The following RBM26 variants were observed in gnomAD, a reference collection of about 807,000 sequenced individuals.
The protein encoded by RBM26 is RNA-binding protein 26.
In RBM26, 30 loss-of-function variants were observed where a neutral mutation model predicts 123.6. The observed-to-expected ratio is 0.24, with a 90% CI of 0.18 to 0.33. RBM26 has a LOEUF of 0.33. Among genes scored for constraint, RBM26 ranks in the 10% least tolerant of loss-of-function variants. The pLI is 1.00. For missense variants in RBM26, 947 were observed against 1,203.6 expected (o/e 0.79, Z 3.15); for synonymous variants, 400 against 404.4 (o/e 0.99, Z 0.13).
intron 19 of RBM26, 49 bp from the exon 20 acceptor site, chr13:79,334,479 T>C: frequency 9.7e-7 from 1 of 1,026,538 alleles, no homozygotes; most frequent in Non-Finnish European, 1.4e-6. Context: ...TTTTGAAATA[T>C]CCAAAAATCC....
chr13:79,346,472 T>C (rs1278109232), intron 14 of RBM26, among the ~76,000 whole-genome samples: 1 of 152,078 alleles, frequency 6.6e-6, no homozygotes, highest in Non-Finnish European at 1.5e-5. Flanking sequence ...TTCCACCTCA[T>C]GGGCTCAAGT....
At chr13:79,390,697 G>C (rs999077480) in intron 1 of RBM26, among the ~76,000 whole-genome samples, 7 of 152,176 alleles carry the variant, frequency 4.6e-5, no homozygotes, top group Non-Finnish European at 1.0e-4. Context: ...AAGGATAATA[G>C]TGACAAGCAC....
chr13:79,323,178 T>C (rs2138425285), intron 20 of RBM26, among the ~76,000 whole-genome samples: 1 of 151,620 alleles, frequency 6.6e-6, no homozygotes, highest in East Asian at 1.9e-4. Context: ...AGTGGCTGGT[T>C]TGGAAACTGC....
chr13:79,379,971 A>G (rs1445917550), intron 1 of RBM26, among the ~76,000 whole-genome samples: 1 of 152,208 alleles, frequency 6.6e-6, no homozygotes, highest in Non-Finnish European at 1.5e-5. Flanking sequence ...AAAATCCAAT[A>G]AATATGAAAA....
intron 3 of RBM26, among the ~76,000 whole-genome samples, chr13:79,375,044 AT>A (rs2076513491): frequency 1.4e-5 from 2 of 142,964 alleles, no homozygotes; most frequent in African/African-American, 5.1e-5. Context: ...CATTTTTTAT[AT>A]ACTATATATT....
chr13:79,334,102 G>A (rs1476489322), intron 20 of RBM26, among the ~76,000 whole-genome samples: 4 of 152,098 alleles, frequency 2.6e-5, no homozygotes, highest in African/African-American at 9.7e-5. Context: ...GGTATCTCAC[G>A]ACAGCACAAT....
intron 13 of RBM26, among the ~76,000 whole-genome samples, chr13:79,353,784 C>T (rs999017853): frequency 3.7e-4 from 57 of 152,120 alleles, no homozygotes; most frequent in African/African-American, 1.2e-3. Flanking sequence ...TACATCCTAA[C>T]TCTATTTTAC....
intron 9 of RBM26, among the ~76,000 whole-genome samples, chr13:79,364,208 T>C (rs1047074272): frequency 2.0e-5 from 3 of 152,184 alleles, no homozygotes; most frequent in African/African-American, 7.2e-5. Context: ...ACATTAAATG[T>C]TGTCCTATGA....
chr13:79,336,952 T>C (rs567573147), intron 19 of RBM26, 150 bp downstream of exon 19: 9 of 756,550 alleles, frequency 1.2e-5, no homozygotes, highest in African/African-American at 7.0e-5. Context: ...AGTTTGTTTT[T>C]AAATTAACAA....
chr13:79,394,444 G>T (rs2078379996), intron 1 of RBM26, among the ~76,000 whole-genome samples: 1 of 152,060 alleles, frequency 6.6e-6, no homozygotes, highest in African/African-American at 2.4e-5. Flanking sequence ...AATAAACGTT[G>T]CCCTCTGGAA....
chr13:79,404,653 C>CCTTTTGCAAGGAATGTT (rs1485810846), intron 1 of RBM26, among the ~76,000 whole-genome samples: 3 of 152,180 alleles, frequency 2.0e-5, no homozygotes, highest in East Asian at 3.9e-4. Flanking sequence ...ATTTGCTCTT[C>CCTTTTGCAAGGAATGTT]CTTTTGCAAG....
At chr13:79,402,575 G>A (rs1297865884) in intron 1 of RBM26, among the ~76,000 whole-genome samples, 1 of 151,866 alleles carries the variant, frequency 6.6e-6, no homozygotes, top group African/African-American at 2.4e-5. Context: ...CCTATCTCTG[G>A]AGCTTTCCAC....
At chr13:79,386,260 G>T (rs1026778233) in intron 1 of RBM26, among the ~76,000 whole-genome samples, 2 of 151,826 alleles carry the variant, frequency 1.3e-5, no homozygotes, top group African/African-American at 4.8e-5. Flanking sequence ...ATGTTATACT[G>T]GTTGAAGTAC....
intron 1 of RBM26, 81 bp from the exon 2 acceptor site, chr13:79,378,988 A>T (rs2076862989): frequency 1.2e-6 from 1 of 857,650 alleles, no homozygotes; most frequent in African/African-American, 1.7e-5. Context: ...AATTAGTGAG[A>T]ATAATAGTTA....
Position 79,320,446 on chromosome 13 carries a change from CA to C in RBM26, c.*174del. The C allele has an allele frequency of 8.0e-7, 1 of 1,244,974 alleles. No homozygotes were observed. Among genetic ancestry groups the C allele is most frequent in the Non-Finnish European group, 1.0e-6 (1 of 990,432 alleles). 77.1% of individuals were successfully genotyped at this position (1,244,974 alleles called of 1,614,324 possible). The stretch of plus-strand genomic sequence containing the variant: ...GTTTACTGAAGTAAAATGCAAACAT[CA>C]ATCTTTCAAAATACAAGATCAGAAG... On this transcript the variant is annotated 3_prime_UTR_variant, in exon 22 of 22. Coordinates refer to ENST00000438737, the MANE Select transcript of RBM26 (RefSeq NM_001366735.2).
chr13:79,386,735 C>A (rs920931865), intron 1 of RBM26, among the ~76,000 whole-genome samples: 1 of 151,584 alleles, frequency 6.6e-6, no homozygotes, highest in East Asian at 1.9e-4. Flanking sequence ...TAGAGGCCAC[C>A]CCCACTCCAT....
downstream of RBM26, among the ~76,000 whole-genome samples, chr13:79,318,588 A>AT (rs1394025501): frequency 6.6e-6 from 1 of 151,440 alleles, no homozygotes; most frequent in Non-Finnish European, 1.5e-5. Context: ...ACGCTGAAAT[A>AT]TATTTGTCTT....
chr13:79,369,632 T>A (rs972169996), intron 5 of RBM26, among the ~76,000 whole-genome samples: 4 of 152,102 alleles, frequency 2.6e-5, no homozygotes. Context: ...GCAAAAAAAG[T>A]TTGAGAAAAG....
chr13:79,331,862 A>G (rs1016244390), intron 20 of RBM26, among the ~76,000 whole-genome samples: 3 of 152,196 alleles, frequency 2.0e-5, no homozygotes, highest in African/African-American at 7.2e-5. Flanking sequence ...GTACTTTGGC[A>G]TGGTGATAGA....
Sources: allele counts gnomAD v4.1 joint callset (sites outside exome capture counted in the v4.1 genomes callset), GRCh38; gene constraint gnomAD v4.1.1; transcripts MANE v1.5; gene names NCBI Gene and HGNC (gene_info 2026-07-23, HGNC 2026-07-21).